Variants in LPP observed in about 807,000 individuals in gnomAD.
LPP encodes LIM domain containing preferred translocation partner in lipoma, also known as lipoma-preferred partner.
A neutral mutation model predicts 60.4 loss-of-function variants in LPP; 38 were observed. The observed-to-expected ratio is 0.63, with a 90% CI of 0.49 to 0.83. The LOEUF is 0.83. LPP is among the 40% of genes least tolerant of loss of function. The probability of loss-of-function intolerance (pLI) is 0.00; values close to 1 mark genes in which losing one functional copy is unlikely to be tolerated. For missense variants in LPP, 902 were observed against 783.6 expected (o/e 1.15, Z -1.80); for synonymous variants, 328 against 290.8 (o/e 1.13, Z -1.30).
intron 5 of LPP, among the ~76,000 whole-genome samples, chr3:188,491,989 C>G (rs1808513192): frequency 6.6e-6 from 1 of 152,156 alleles, no homozygotes; most frequent in African/African-American, 2.4e-5. Context: ...CACATACCCA[C>G]CTACTCACCT....
chr3:188,485,768 GC>G (rs1806248959), intron 5 of LPP, among the ~76,000 whole-genome samples: 1 of 115,582 alleles, frequency 8.7e-6, no homozygotes, highest in African/African-American at 3.5e-5. Context: ...CTGCACTCCA[GC>G]CTGGGCGACA....
intron 7 of LPP, among the ~76,000 whole-genome samples, chr3:188,622,123 A>G (rs1285145419): frequency 6.6e-6 from 1 of 152,192 alleles, no homozygotes; most frequent in African/African-American, 2.4e-5. Flanking sequence ...GGTCTCATCC[A>G]GCCATCACCC....
rs1369009253 is a variant in LPP, at chr3:188,825,267, CTCTGTGTGTG to C, written c.1411-40931_1411-40922del. On this transcript the variant is annotated intron_variant, in intron 9 of 11. Coordinates refer to ENST00000617246, the MANE Select transcript of LPP (RefSeq NM_001375462.1). ...TTTCTTTCTCTCTCTCTCTCTCTCT[CTCTGTGTGTG>C]TGTGTGTGTGTGTGTGTGTGTGTGT... Among the ~76,000 whole-genome samples the C allele has an allele frequency of 9.6e-4, 95 of 99,004 alleles. 1 individual carries two copies. The highest frequency in any genetic ancestry group is 2.5e-3 in the African/African-American group (69 of 28,146). The allele number at this position is 99,004 out of a possible 152,430, so 65.0% of individuals were successfully genotyped here. A position where few individuals can be genotyped will look rare whatever the true frequency, so the allele number is the denominator to read the frequency against.
rs1461028873 is a variant in LPP, at chr3:188,352,501, A to G, written c.-10+10782A>G. Among the ~76,000 whole-genome samples, 2 of 152,210 alleles carry G rather than the reference A, an allele frequency of 1.3e-5. No homozygotes were observed. Among genetic ancestry groups the G allele is most frequent in the East Asian group, 3.9e-4 (2 of 5,178 alleles). ...TGGCGAGCCCTCAGTTGCCACTTGG[A>G]AACGGTTGGAAACTGTAGATCAGGC... On this transcript the variant is annotated intron_variant, in intron 3 of 11. Transcript: ENST00000617246. The surrounding 1 kb of genome is among the most constrained non-coding windows in gnomAD (Gnocchi z 4.4).
At chr3:188,754,017 C>G (rs1729252273) in intron 8 of LPP, among the ~76,000 whole-genome samples, 4 of 152,268 alleles carry the variant, frequency 2.6e-5, no homozygotes, top group East Asian at 1.9e-4. Flanking sequence ...TTGCATATTG[C>G]TACATTATGT....
rs71298544 is a variant in LPP at position 188,182,711 on chromosome 3, A to AATAT, written c.-190+28469_-190+28472dup. On this transcript the variant is annotated intron_variant, in intron 1 of 11. Transcript: ENST00000617246. The surrounding 1 kb of genome is among the most constrained non-coding windows in gnomAD (Gnocchi z 4.4). Reference sequence around the variant, plus strand: ...TGATTTTTAACCAGCTAAAGAATTGAATATATATATATAACATATGCACAT... The same window carrying AATAT: ...TGATTTTTAACCAGCTAAAGAATTGAATATATATATATATATAACATATGCACAT... 1.7e-4 allele frequency among the ~76,000 whole-genome samples: 25 copies of AATAT among 148,938 alleles called. No individual in the cohort carries two copies. Among genetic ancestry groups the AATAT allele is most frequent in the Admixed American group, 2.7e-4 (4 of 14,838 alleles).
At chr3:188,625,486 A>T (rs1223044458) in intron 7 of LPP, among the ~76,000 whole-genome samples, 2 of 152,348 alleles carry the variant, frequency 1.3e-5, no homozygotes, top group East Asian at 3.8e-4. Context: ...ACTCACTGAG[A>T]TGATGAGATA....
intron 4 of LPP, among the ~76,000 whole-genome samples, chr3:188,481,240 T>G (rs544427340): frequency 2.0e-5 from 3 of 152,330 alleles, no homozygotes; most frequent in South Asian, 4.1e-4. Flanking sequence ...GATTTGTATC[T>G]GTTTTTGAGA....
chr3:188,819,951 A>G (rs1158665005), intron 9 of LPP, among the ~76,000 whole-genome samples: 1 of 152,182 alleles, frequency 6.6e-6, no homozygotes, highest in Admixed American at 6.5e-5. Flanking sequence ...ATCGCTGTCC[A>G]TCTTACCTGA....
intron 3 of LPP, among the ~76,000 whole-genome samples, chr3:188,370,194 G>C (rs1026575707): frequency 6.6e-6 from 1 of 152,114 alleles, no homozygotes; most frequent in African/African-American, 2.4e-5. Context: ...CCAAAGTGTT[G>C]GGATTACAGG....
At chr3:188,413,478 A>G (rs1352283968) in intron 4 of LPP, among the ~76,000 whole-genome samples, 1 of 152,146 alleles carries the variant, frequency 6.6e-6, no homozygotes. Context: ...TCACGGAAAC[A>G]TCAGGAACTG....
At chr3:188,155,556 A>G (rs990419614) in intron 1 of LPP, among the ~76,000 whole-genome samples, 1 of 152,164 alleles carries the variant, frequency 6.6e-6, no homozygotes, top group South Asian at 2.1e-4. Context: ...ACTCTTATAG[A>G]TAGAAGAATA....
In LPP at chr3:188,470,596, C is replaced by T. The variant is rs552052465; in HGVS notation, c.194-13996C>T. Among the ~76,000 whole-genome samples the T allele has an allele frequency of 3.3e-5, 5 of 152,210 alleles. No individual in the cohort carries two copies. The South Asian group carries it at 8.3e-4, about 25-fold the overall frequency. On this transcript the variant is annotated intron_variant, in intron 4 of 11. Coordinates refer to ENST00000617246, the MANE Select transcript of LPP (RefSeq NM_001375462.1). ...AGGTAAATGTCTCATGAATATTCCA[C>T]AAGATCCACCTTGATAATGCTCTAA...
chr3:188,296,640 G>T (rs770643447), intron 2 of LPP, among the ~76,000 whole-genome samples: 44 of 152,280 alleles, frequency 2.9e-4, no homozygotes, highest in Non-Finnish European at 4.9e-4. Flanking sequence ...GTCACACAGA[G>T]GCAGATGGCA....
At chr3:188,255,311 C>T (rs368286466) in intron 2 of LPP, among the ~76,000 whole-genome samples, 4 of 152,148 alleles carry the variant, frequency 2.6e-5, no homozygotes, top group African/African-American at 7.2e-5. Context: ...AACGGAGGCT[C>T]AGAGACTTTG....
chr3:188,742,255 G>A (rs1038933004), intron 8 of LPP, among the ~76,000 whole-genome samples: 1 of 152,000 alleles, frequency 6.6e-6, no homozygotes. Context: ...AAAATAAAAC[G>A]TGTTCAACAT....
intron 8 of LPP, among the ~76,000 whole-genome samples, chr3:188,735,667 A>G (rs1722250298): frequency 6.6e-6 from 1 of 152,200 alleles, no homozygotes; most frequent in African/African-American, 2.4e-5. Context: ...TACAGGCATG[A>G]GCCACTGTGC....
Position 188,877,428 on chromosome 3 carries a change from GA to G in LPP, c.*2956del, listed in dbSNP as rs996438540. The G allele has an allele frequency of 4.8e-5, 9 of 185,574 alleles. No individual in the cohort carries two copies. The highest frequency in any genetic ancestry group is 9.1e-5 in the Non-Finnish European group (8 of 87,590). 11.5% of individuals were successfully genotyped at this position (185,574 alleles called of 1,614,324 possible). A position where few individuals can be genotyped will look rare whatever the true frequency, so the allele number is the denominator to read the frequency against. On this transcript the variant is annotated 3_prime_UTR_variant, in exon 12 of 12. Transcript: ENST00000617246. ...GTGTAACAAGAGAGACATGGAAAAGGAAAAAAATCCACTATATCATGGGCTC... is the reference window on the plus strand; with the variant it reads ...GTGTAACAAGAGAGACATGGAAAAGGAAAAAATCCACTATATCATGGGCTC...
chr3:188,179,265 G>C (rs781713233), intron 1 of LPP: 3 of 458,176 alleles, frequency 6.5e-6, no homozygotes, highest in South Asian at 4.6e-5. Flanking sequence ...ATTGCCCCCT[G>C]TCTTCGCAGC....
Sources: allele counts gnomAD v4.1 joint callset (sites outside exome capture counted in the v4.1 genomes callset), GRCh38; gene constraint gnomAD v4.1.1; non-coding constraint Gnocchi (gnomAD v3.1); transcripts MANE v1.5; gene names NCBI Gene and HGNC (gene_info 2026-07-23, HGNC 2026-07-21).